The following ITSN2 variants were observed in gnomAD, a reference collection of about 807,000 sequenced individuals.
ITSN2 encodes the protein intersectin 2, also known as intersectin-2.
A neutral mutation model predicts 243.7 loss-of-function variants in ITSN2; 156 were observed. That is an observed-to-expected ratio of 0.64 (90% CI 0.56 to 0.73). ITSN2 has a LOEUF of 0.73. Among genes scored for constraint, ITSN2 ranks in the 30% least tolerant of loss-of-function variants. ITSN2 has a pLI of 0.00. For synonymous variants in ITSN2, 703 were observed against 699.9 expected (o/e 1.00, Z -0.07); for missense variants, 1,801 against 1,996.1 (o/e 0.90, Z 1.86).
At chr2:24,231,619 G>C (rs1313029035) in intron 29 of ITSN2, among the ~76,000 whole-genome samples, 1 of 152,228 alleles carries the variant, frequency 6.6e-6, no homozygotes, top group Non-Finnish European at 1.5e-5. Flanking sequence ...TCGCACCATA[G>C]TTGGGAAGCA....
chr2:24,313,078 A>G (rs1479573338), intron 4 of ITSN2, among the ~76,000 whole-genome samples: 1 of 149,420 alleles, frequency 6.7e-6, no homozygotes, highest in Non-Finnish European at 1.5e-5. Flanking sequence ...AACTGAAGAA[A>G]TACCTTTTTT....
At chr2:24,308,964 G>C (rs932367486) in intron 7 of ITSN2, 1 of 555,144 alleles carries the variant, frequency 1.8e-6, no homozygotes, top group Non-Finnish European at 3.5e-6. Flanking sequence ...TGTCCAGTGA[G>C]CAGTGGCATT....
intron 25 of ITSN2, among the ~76,000 whole-genome samples, chr2:24,250,406 T>C (rs946732570): frequency 6.6e-6 from 1 of 152,204 alleles, no homozygotes; most frequent in Non-Finnish European, 1.5e-5. Context: ...TTAGAAAATT[T>C]GTACCTACCA....
At chr2:24,343,020 G>T (rs759747924) in intron 1 of ITSN2, among the ~76,000 whole-genome samples, 1 of 151,264 alleles carries the variant, frequency 6.6e-6, no homozygotes, top group Non-Finnish European at 1.5e-5. Context: ...GAGTCTGTAA[G>T]ATGGGGGTTG....
chr2:24,216,846 G>A (rs1156779659), intron 31 of ITSN2, among the ~76,000 whole-genome samples: 2 of 152,222 alleles, frequency 1.3e-5, no homozygotes, highest in African/African-American at 4.8e-5. Context: ...AGCACTTTGA[G>A]AGGCTGAGGT....
At chr2:24,333,896 GTT>G (rs1366876627) in intron 1 of ITSN2, among the ~76,000 whole-genome samples, 4 of 151,998 alleles carry the variant, frequency 2.6e-5, no homozygotes, top group South Asian at 2.1e-4. Context: ...GGGTTTTTTT[GTT>G]TTGTTTTTTG....
At chr2:24,316,108 G>C (rs1002366765) in intron 2 of ITSN2, among the ~76,000 whole-genome samples, 2 of 152,102 alleles carry the variant, frequency 1.3e-5, no homozygotes, top group African/African-American at 4.8e-5. Context: ...AGAAGTCAAG[G>C]CATGTGCAAG....
At chr2:24,231,293 T>C (rs1013685499) in intron 29 of ITSN2, among the ~76,000 whole-genome samples, 1 of 152,204 alleles carries the variant, frequency 6.6e-6, no homozygotes, top group African/African-American at 2.4e-5. Context: ...TCTTATAATT[T>C]GCCACATCCC....
At chr2:24,247,230 CCA>C (rs1356740169) in intron 27 of ITSN2, among the ~76,000 whole-genome samples, 1 of 152,122 alleles carries the variant, frequency 6.6e-6, no homozygotes, top group Non-Finnish European at 1.5e-5. Context: ...GTGAGGAACC[CCA>C]GTCAAAACTG....
At chr2:24,210,629 A>AG (rs199972571) in intron 34 of ITSN2, 151 bp downstream of exon 34, 6,641 of 635,492 alleles carry the variant, frequency 0.01, 32 homozygotes, top group Non-Finnish European at 0.014. Flanking sequence ...AAAAAAAAAA[A>AG]AAAAAGAAAA....
At chr2:24,360,154 G>C (rs1310455870) in intron 1 of ITSN2, 150 bp downstream of exon 1, 1 of 152,174 alleles carries the variant, frequency 6.6e-6, no homozygotes, top group African/African-American at 2.4e-5. Context: ...CAGGGGCCTA[G>C]CTCGGGGGCC....
At chr2:24,235,687 T>A (rs911052298) in intron 29 of ITSN2, among the ~76,000 whole-genome samples, 6 of 152,130 alleles carry the variant, frequency 3.9e-5, no homozygotes, top group Non-Finnish European at 5.9e-5. Flanking sequence ...ACAAATAATT[T>A]TAAAACGGGC....
chr2:24,231,860 C>T (rs912338083), intron 29 of ITSN2, among the ~76,000 whole-genome samples: 5 of 152,160 alleles, frequency 3.3e-5, no homozygotes, highest in East Asian at 1.9e-4. Flanking sequence ...CCCACTTATG[C>T]GGCCAGAGTA....
At position 24,289,659 on chromosome 2, in the gene ITSN2, C is replaced by T. The variant is rs779518791; in HGVS notation, c.1724-3308G>A. On this transcript the variant is annotated intron_variant, in intron 15 of 39. Transcript: ENST00000355123. ...CGTTGAACAGAAGTGGTAAAAAGTG[C>T]GTATCCCTACCTCATACCAGATCTT... Among the ~76,000 whole-genome samples the T allele has an allele frequency of 8.3e-4, 127 of 152,290 alleles. 3 individuals carry two copies. Among genetic ancestry groups the T allele is most frequent in the Middle Eastern group, 3.4e-3 (1 of 294 alleles).
intron 9 of ITSN2, among the ~76,000 whole-genome samples, 159 bp from the exon 10 acceptor site, chr2:24,302,261 C>T (rs1038463681): frequency 4.6e-5 from 7 of 152,026 alleles, no homozygotes; most frequent in Admixed American, 3.3e-4. Flanking sequence ...TGCAGTGGCG[C>T]GATCTCAGCT....
At position 24,248,887 on chromosome 2, in the gene ITSN2, A is replaced by C. The variant is rs1449554993; in HGVS notation, c.3121-5T>G. On this transcript the variant is annotated splice_region_variant and splice_polypyrimidine_tract_variant and intron_variant, in intron 25 of 39. Transcript: ENST00000355123. The stretch of plus-strand genomic sequence containing the variant: ...CTTGCTAGCACTCCCAAAACTCTAC[A>C]AGGAAAAGATACCGTGTTGTTTTAT... 4 of 1,612,980 alleles carry C rather than the reference A, an allele frequency of 2.5e-6. No homozygotes were observed. The highest frequency in any genetic ancestry group is 3.4e-6 in the Non-Finnish European group (4 of 1,179,164).
chr2:24,305,992 T>C (rs1682482461), intron 8 of ITSN2, among the ~76,000 whole-genome samples: 1 of 152,178 alleles, frequency 6.6e-6, no homozygotes, highest in African/African-American at 2.4e-5. Context: ...TAATTTTTTC[T>C]TTTTTGAGAC....
intron 2 of ITSN2, 80 bp downstream of exon 2, chr2:24,327,972 T>C (rs1326365416): frequency 1.5e-6 from 2 of 1,315,586 alleles, no homozygotes; most frequent in Non-Finnish European, 2.1e-6. Context: ...AGGAAAATTA[T>C]CTACATGAAT....
intron 1 of ITSN2, chr2:24,334,687 G>C: frequency 6.3e-7 from 1 of 1,582,214 alleles, no homozygotes; most frequent in Non-Finnish European, 8.6e-7. Flanking sequence ...TCCAGAAAAA[G>C]GCTAAAACTA....
Sources: gnomAD v4.1 joint callset for allele counts (sites outside exome capture counted in the v4.1 genomes callset) on GRCh38, gnomAD v4.1.1 for gene constraint, MANE v1.5 for transcripts, NCBI Gene and HGNC (gene_info 2026-07-23, HGNC 2026-07-21) for gene names.